UBE2R2: variants seen among roughly 807,000 people sequenced by gnomAD.
The protein encoded by UBE2R2 is ubiquitin-conjugating enzyme E2 R2.
In UBE2R2, 1 loss-of-function variant was observed where a neutral mutation model predicts 27.8. That is an observed-to-expected ratio of 0.04 (90% CI 0.01 to 0.17). The LOEUF (loss-of-function observed/expected upper bound fraction) is 0.17. UBE2R2 is among the 10% of genes least tolerant of loss of function. The probability of loss-of-function intolerance (pLI) is 1.00; values close to 1 mark genes in which losing one functional copy is unlikely to be tolerated. For synonymous variants in UBE2R2, 106 were observed against 113.3 expected (o/e 0.94, Z 0.41); for missense variants, 100 against 291.0 (o/e 0.34, Z 4.78).
intron 1 of UBE2R2, among the ~76,000 whole-genome samples, chr9:33,818,148 G>C (rs1163836340): frequency 6.6e-6 from 1 of 151,712 alleles, no homozygotes; most frequent in East Asian, 2.0e-4. Context: ...GCGGGGGCGG[G>C]AGGGCAGGCT....
chr9:33,856,108 G>A (rs1051768416), intron 1 of UBE2R2, among the ~76,000 whole-genome samples: 12 of 152,108 alleles, frequency 7.9e-5, no homozygotes, highest in East Asian at 7.7e-4. Context: ...TGGTTTTACC[G>A]TGTACACACT....
chr9:33,900,295 G>C, intron 3 of UBE2R2, 24 bp downstream of exon 3: 11 of 1,560,094 alleles, frequency 7.1e-6, no homozygotes, highest in Non-Finnish European at 9.7e-6. Context: ...TGGTTTTGGA[G>C]TTATTCTTAA....
chr9:33,849,238 CAA>C (rs1038736368), intron 1 of UBE2R2, among the ~76,000 whole-genome samples: 1 of 152,088 alleles, frequency 6.6e-6, no homozygotes, highest in African/African-American at 2.4e-5. Flanking sequence ...GCCTGGGCAA[CAA>C]GAGCAAAACT....
At chr9:33,855,142 G>T (rs145675356) in intron 1 of UBE2R2, among the ~76,000 whole-genome samples, 65 of 152,210 alleles carry the variant, frequency 4.3e-4, no homozygotes, top group African/African-American at 1.5e-3. Context: ...GTTTGTTATG[G>T]TTGTATCTTC....
intron 3 of UBE2R2, among the ~76,000 whole-genome samples, chr9:33,905,105 A>G (rs1335343433): frequency 1.3e-5 from 2 of 152,302 alleles, no homozygotes; most frequent in East Asian, 1.9e-4. Context: ...ACTATCTGCT[A>G]TAGGCTCTGG....
intron 2 of UBE2R2, among the ~76,000 whole-genome samples, chr9:33,899,450 C>T (rs1401985444): frequency 6.6e-6 from 1 of 152,054 alleles, no homozygotes; most frequent in Admixed American, 6.6e-5. Flanking sequence ...TCTTGGCTCC[C>T]TGCAACCCCC....
At chr9:33,869,825 A>T (rs949733289) in intron 1 of UBE2R2, among the ~76,000 whole-genome samples, 3 of 150,124 alleles carry the variant, frequency 2.0e-5, no homozygotes, top group Non-Finnish European at 4.4e-5. Flanking sequence ...TTTTATTTTT[A>T]AATTATTTTT....
intron 1 of UBE2R2, among the ~76,000 whole-genome samples, chr9:33,876,582 G>A (rs1456662795): frequency 1.3e-5 from 2 of 152,078 alleles, no homozygotes; most frequent in African/African-American, 4.8e-5. Context: ...ACCTCTTCTA[G>A]TGGTAATGTA....
intron 1 of UBE2R2, among the ~76,000 whole-genome samples, chr9:33,886,516 G>A (rs1280169211): frequency 4.6e-5 from 7 of 152,146 alleles, no homozygotes; most frequent in East Asian, 3.9e-4. Context: ...TTAGCCGGAC[G>A]TGGTGGCGTG....
rs1453402073 is a variant in UBE2R2 at position 33,849,372 on chromosome 9, CAT to C, written c.177+31445_177+31446del. Among the ~76,000 whole-genome samples, 11 of 152,080 alleles carry C rather than the reference CAT, an allele frequency of 7.2e-5. No homozygotes were observed. In the East Asian group the frequency reaches 1.4e-3, roughly 19 times the overall value. ...GTGTGTAGGTGTGTATATACACAAA[CAT>C]ATATATGTATACCGAATATTTAAAG... is the stretch of plus-strand genomic sequence containing the variant. On this transcript the variant is annotated intron_variant, in intron 1 of 4. Transcript: ENST00000263228.
At chr9:33,884,574 T>C (rs1821816037) in intron 1 of UBE2R2, among the ~76,000 whole-genome samples, 1 of 152,114 alleles carries the variant, frequency 6.6e-6, no homozygotes, top group African/African-American at 2.4e-5. Context: ...CACCACTTTT[T>C]GTGGATTTTT....
chr9:33,873,153 C>A (rs534236830), intron 1 of UBE2R2, among the ~76,000 whole-genome samples: 4 of 129,800 alleles, frequency 3.1e-5, no homozygotes, highest in Non-Finnish European at 4.6e-5. Flanking sequence ...GCTGCCTGAG[C>A]GACAGAGCAA....
At chr9:33,901,537 G>C (rs900977508) in intron 3 of UBE2R2, among the ~76,000 whole-genome samples, 1 of 151,448 alleles carries the variant, frequency 6.6e-6, no homozygotes, top group African/African-American at 2.4e-5. Flanking sequence ...TGCATGGATT[G>C]ATCTATTCTT....
intron 1 of UBE2R2, among the ~76,000 whole-genome samples, chr9:33,837,292 C>T (rs565410728): frequency 1.3e-5 from 2 of 151,818 alleles, no homozygotes; most frequent in Non-Finnish European, 2.9e-5. Flanking sequence ...GATCAAGGCT[C>T]ACTGCAGCCT....
At chr9:33,882,403 C>T (rs1250147770) in intron 1 of UBE2R2, among the ~76,000 whole-genome samples, 1 of 152,194 alleles carries the variant, frequency 6.6e-6, no homozygotes, top group Non-Finnish European at 1.5e-5. Context: ...TCTCCTGCCT[C>T]AGCCTCCCGA....
chr9:33,859,041 G>A (rs1024831670), intron 1 of UBE2R2, among the ~76,000 whole-genome samples: 13 of 152,080 alleles, frequency 8.5e-5, no homozygotes, highest in African/African-American at 3.1e-4. Flanking sequence ...GGCCAGGCTG[G>A]TCTTGAACTC....
chr9:33,815,722 C>A (rs1386429812), upstream of UBE2R2, among the ~76,000 whole-genome samples: 1 of 152,138 alleles, frequency 6.6e-6, no homozygotes, highest in Non-Finnish European at 1.5e-5. Flanking sequence ...CCAGCCTGGG[C>A]AACAGAGTAA....
chr9:33,819,662 G>GA, intron 1 of UBE2R2, among the ~76,000 whole-genome samples: 1 of 148,508 alleles, frequency 6.7e-6, no homozygotes, highest in East Asian at 2.0e-4. Context: ...TTTTTGAGAC[G>GA]GAGTCTCGCT....
intron 1 of UBE2R2, among the ~76,000 whole-genome samples, chr9:33,830,191 CCT>C (rs1820429380): frequency 6.7e-6 from 1 of 149,112 alleles, no homozygotes; most frequent in Non-Finnish European, 1.5e-5. Context: ...AGAGTCTTGC[CCT>C]GTCACCCATG....
Sources: gnomAD v4.1 joint callset for allele counts (sites outside exome capture counted in the v4.1 genomes callset) on GRCh38, gnomAD v4.1.1 for gene constraint, MANE v1.5 for transcripts, NCBI Gene and HGNC (gene_info 2026-07-23, HGNC 2026-07-21) for gene names.